RIMS2: variants seen among roughly 807,000 people sequenced by gnomAD.
The protein encoded by RIMS2 is regulating synaptic membrane exocytosis protein 2.
RIMS2 carries 59 observed loss-of-function variants against 174.4 expected under a neutral mutation model. The ratio of observed to expected loss-of-function variants is 0.34; its 90% CI spans 0.27 to 0.42. The LOEUF (loss-of-function observed/expected upper bound fraction) is 0.42. RIMS2 is among the 10% of genes least tolerant of loss of function. The pLI is 1.00. For missense variants in RIMS2, 1,620 were observed against 1,666.3 expected, an observed-to-expected ratio of 0.97 and a Z score of 0.48; for synonymous variants, 606 against 572.5, an observed-to-expected ratio of 1.06 and a Z score of -0.84.
In RIMS2 at chr8:104,210,350, G is replaced by A. The variant is rs114957206; in HGVS notation, c.3335-34566G>A. On this transcript the variant is annotated intron_variant, in intron 19 of 23. Coordinates refer to ENST00000504942, the Ensembl canonical transcript of RIMS2. ...ATTAAAACCACAAATCTTCATCACT[G>A]AAAATTGTTCAAGAAGAGTTTACAG... 4.6e-3 allele frequency among the ~76,000 whole-genome samples: 696 copies of A among 152,192 alleles called. 9 individuals carry two copies. Among genetic ancestry groups the A allele is most frequent in the African/African-American group, 0.016 (654 of 41,522 alleles).
chr8:104,201,817 G>A lies in RIMS2; in HGVS notation c.3335-43099G>A, dbSNP rs186573808. On this transcript the variant is annotated intron_variant, in intron 19 of 23. Coordinates refer to ENST00000504942, the Ensembl canonical transcript of RIMS2. ...AATAGAATTTGTAATGATTTAGGAT[G>A]CTAATGTAGAAAAATTAATTTCAAA... 6.6e-5 allele frequency among the ~76,000 whole-genome samples: 10 copies of A among 152,228 alleles called. No individual in the cohort carries two copies. The East Asian group carries it at 1.9e-3, about 29-fold the overall frequency.
chr8:103,594,598 A>C (rs1379920600), intron 1 of RIMS2, among the ~76,000 whole-genome samples: 1 of 151,730 alleles, frequency 6.6e-6, no homozygotes, highest in Non-Finnish European at 1.5e-5. Context: ...AATTTTATAC[A>C]ACACGTAAAT....
chr8:103,717,047 A>G (rs904687069), intron 2 of RIMS2, among the ~76,000 whole-genome samples: 3 of 151,842 alleles, frequency 2.0e-5, no homozygotes, highest in Non-Finnish European at 4.4e-5. Context: ...AGTCAGACTT[A>G]AAGTTGAGGA....
At chr8:103,817,120 G>T (rs2098722724) in intron 3 of RIMS2, among the ~76,000 whole-genome samples, 2 of 152,092 alleles carry the variant, frequency 1.3e-5, no homozygotes. Flanking sequence ...CCTTTCAAAG[G>T]TGTGAAAAAT....
At chr8:103,623,651 A>AT (rs35923184) in intron 1 of RIMS2, among the ~76,000 whole-genome samples, 292 of 142,148 alleles carry the variant, frequency 2.1e-3, no homozygotes, top group African/African-American at 5.3e-3. Context: ...CGCCCGGCTA[A>AT]TTTTTTTTTT....
Position 103,535,982 on chromosome 8 carries a change from T to C in RIMS2, c.176+34920T>C, listed in dbSNP as rs59856114. ...TAGTATGTTAAAAGCCAAGTCCATC[T>C]GTCTTCAATACTTGTATTCTTATGA... is the stretch of plus-strand genomic sequence containing the variant. On this transcript the variant is annotated intron_variant, in intron 1 of 23. Coordinates refer to ENST00000504942, the Ensembl canonical transcript of RIMS2. 2.8e-3 allele frequency among the ~76,000 whole-genome samples: 431 copies of C among 152,366 alleles called. 1 individual carries two copies. The highest frequency in any genetic ancestry group is 0.01 in the Middle Eastern group (3 of 294).
intron 1 of RIMS2, among the ~76,000 whole-genome samples, chr8:103,521,342 A>G (rs931288298): frequency 2.0e-5 from 3 of 152,056 alleles, no homozygotes; most frequent in Admixed American, 2.0e-4. Flanking sequence ...GTGTAACCTC[A>G]CCATCCTATA....
At chr8:103,987,354 C>T (rs7828298) in intron 16 of RIMS2, among the ~76,000 whole-genome samples, 1 of 151,876 alleles carries the variant, frequency 6.6e-6, no homozygotes, top group Non-Finnish European at 1.5e-5. Flanking sequence ...TAAATCATGT[C>T]GGTGAGACAC....
chr8:104,177,002 G>A lies in RIMS2; in HGVS notation c.3335-67914G>A, dbSNP rs1586633350. On this transcript the variant is annotated intron_variant, in intron 19 of 23. Transcript: ENST00000504942. ...TGAAATACGGAAGGTCAGCAGACAC[G>A]TGTATAGATCACATCAATGGGTTAA... 2.0e-5 allele frequency among the ~76,000 whole-genome samples: 3 copies of A among 152,158 alleles called. No individual in the cohort carries two copies. The East Asian group carries it at 5.8e-4, about 29-fold the overall frequency.
intron 1 of RIMS2, among the ~76,000 whole-genome samples, chr8:103,587,456 GAA>G (rs760538368): frequency 8.2e-6 from 1 of 121,380 alleles, no homozygotes; most frequent in African/African-American, 3.4e-5. Flanking sequence ...AAGAAAGAAA[GAA>G]AGAAAGAAAG....
chr8:103,722,270 G>A (rs1011144681), intron 2 of RIMS2, among the ~76,000 whole-genome samples: 5 of 151,976 alleles, frequency 3.3e-5, no homozygotes, highest in African/African-American at 1.2e-4. Context: ...GCCACACAGG[G>A]GTGAGGAGAT....
intron 2 of RIMS2, among the ~76,000 whole-genome samples, chr8:103,703,045 C>T (rs77649326): frequency 0.12 from 18,138 of 147,786 alleles, 1,222 homozygotes; most frequent in Middle Eastern, 0.23. Context: ...GCATTGGAGC[C>T]GTCATGGCTC....
chr8:103,789,238 G>A (rs1308038453), intron 3 of RIMS2, among the ~76,000 whole-genome samples: 5 of 151,990 alleles, frequency 3.3e-5, no homozygotes, highest in Admixed American at 1.3e-4. Flanking sequence ...CTTTTGTGTC[G>A]CTCTCGCTGG....
intron 1 of RIMS2, among the ~76,000 whole-genome samples, chr8:103,649,426 G>A (rs1220752497): frequency 5.9e-5 from 9 of 151,938 alleles, no homozygotes; most frequent in Non-Finnish European, 1.2e-4. Context: ...TCTTGGGGTT[G>A]ATCTTCTAAT....
chr8:104,231,458 T>C (rs1230879293), intron 19 of RIMS2, among the ~76,000 whole-genome samples: 2 of 152,210 alleles, frequency 1.3e-5, no homozygotes, highest in East Asian at 1.9e-4. Flanking sequence ...TGCCTTTCTT[T>C]CTATTCTTCC....
intron 19 of RIMS2, among the ~76,000 whole-genome samples, chr8:104,136,124 C>T (rs2133253378): frequency 6.6e-6 from 1 of 152,308 alleles, no homozygotes; most frequent in East Asian, 1.9e-4. Flanking sequence ...TACAAATCAT[C>T]CATGTACTTT....
intron 19 of RIMS2, among the ~76,000 whole-genome samples, chr8:104,185,499 A>T (rs1200625620): frequency 6.6e-6 from 1 of 151,654 alleles, no homozygotes; most frequent in East Asian, 1.9e-4. Context: ...CATTATACTA[A>T]AAGAGGGCCT....
chr8:103,699,876 G>A (rs187802226), intron 2 of RIMS2, among the ~76,000 whole-genome samples: 2 of 151,878 alleles, frequency 1.3e-5, no homozygotes, highest in Non-Finnish European at 2.9e-5. Flanking sequence ...CAAATATTGT[G>A]GGGTTCCTAG....
intron 9 of RIMS2, 45 bp downstream of exon 12, chr8:103,918,532 T>A: frequency 7.7e-7 from 1 of 1,297,110 alleles, no homozygotes; most frequent in Non-Finnish European, 1.1e-6. Context: ...TATAATTGCA[T>A]TCATCAGAGA....
Sources: gnomAD v4.1 joint callset for allele counts (sites outside exome capture counted in the v4.1 genomes callset) on GRCh38, gnomAD v4.1.1 for gene constraint, MANE v1.5 for transcripts, NCBI Gene and HGNC (gene_info 2026-07-23, HGNC 2026-07-21) for gene names.